ROBO1: variants seen among roughly 807,000 people sequenced by gnomAD.
The protein encoded by ROBO1 is roundabout homolog 1.
In ROBO1, 149 loss-of-function variants were observed where a neutral mutation model predicts 195.9. That is an observed-to-expected ratio of 0.76 (90% CI 0.67 to 0.87). The LOEUF (loss-of-function observed/expected upper bound fraction) is 0.87, where lower values mean the gene tolerates loss of function less well. ROBO1 is among the 40% of genes least tolerant of loss of function. ROBO1 has a pLI of 0.00. For missense variants in ROBO1, 1,933 were observed against 2,068.3 expected, an observed-to-expected ratio of 0.93 and a Z score of 1.27; for synonymous variants, 816 against 733.2, an observed-to-expected ratio of 1.11 and a Z score of -1.82.
intron 2 of ROBO1, among the ~76,000 whole-genome samples, chr3:79,140,370 G>A (rs189950301): frequency 4.6e-5 from 7 of 152,184 alleles, no homozygotes; most frequent in African/African-American, 1.4e-4. Flanking sequence ...TCAATATAGT[G>A]TAATGTTTAG....
Position 78,668,526 on chromosome 3 carries a change from G to A in ROBO1, c.1588C>T (p.Pro530Ser), listed in dbSNP as rs183547398. ...TGRYTCIAST[P>S]SGEATWSAYI... Reference sequence around the variant, plus strand: ...GCACTCCATGTTGCTTCACCACTGGGGGTTGATGCAATGCAGGTGTACCGA... The same window carrying A: ...GCACTCCATGTTGCTTCACCACTGGAGGTTGATGCAATGCAGGTGTACCGA... Residue 530 changes from proline (P) to serine (S), a missense_variant, in exon 12 of 31, where the codon CCC becomes TCC. By Grantham distance (74) the Pro-to-Ser change is moderately conservative. Coordinates refer to ENST00000464233, the MANE Select transcript of ROBO1 (RefSeq NM_002941.4). The A allele has an allele frequency of 3.7e-6, 6 of 1,613,790 alleles. No homozygotes were observed. In the East Asian group the frequency reaches 1.3e-4, roughly 36 times the overall value.
intron 2 of ROBO1, among the ~76,000 whole-genome samples, chr3:79,129,227 T>A (rs1345616645): frequency 6.6e-6 from 1 of 152,170 alleles, no homozygotes; most frequent in Non-Finnish European, 1.5e-5. Context: ...TATTAAATAT[T>A]TTAAGTATTT....
rs532297928 is a variant in ROBO1 at position 79,167,415 on chromosome 3, T to C, written c.89-41876A>G. Among the ~76,000 whole-genome samples the C allele has an allele frequency of 6.6e-5, 10 of 152,344 alleles. No individual in the cohort carries two copies. The South Asian group carries it at 1.9e-3, about 28-fold the overall frequency. On this transcript the variant is annotated intron_variant, in intron 2 of 30. Coordinates refer to ENST00000464233, the MANE Select transcript of ROBO1 (RefSeq NM_002941.4). Reference sequence around the variant, plus strand: ...CTTTGTGTACATCCACATTGTATTTTTGTCATGAAATCAATGTCACTGTTC... The same window carrying C: ...CTTTGTGTACATCCACATTGTATTTCTGTCATGAAATCAATGTCACTGTTC...
At chr3:79,674,323 A>G (rs1946718594) in intron 1 of ROBO1, among the ~76,000 whole-genome samples, 1 of 151,964 alleles carries the variant, frequency 6.6e-6, no homozygotes, top group Non-Finnish European at 1.5e-5. Flanking sequence ...GCTGTTCTCA[A>G]TGCATGTCAA....
intron 4 of ROBO1, among the ~76,000 whole-genome samples, chr3:78,873,651 T>A (rs1439441075): frequency 6.6e-6 from 1 of 152,144 alleles, no homozygotes; most frequent in African/African-American, 2.4e-5. Flanking sequence ...AAGGAATACT[T>A]CTTCAACAAC....
intron 1 of ROBO1, among the ~76,000 whole-genome samples, chr3:79,597,102 A>AGT (rs1179493524): frequency 6.6e-6 from 1 of 150,720 alleles, no homozygotes; most frequent in East Asian, 2.0e-4. Context: ...AAACTTAATA[A>AGT]GTGTGTGTGT....
intron 2 of ROBO1, among the ~76,000 whole-genome samples, chr3:79,504,841 A>ATG (rs985314877): frequency 1.6e-4 from 24 of 152,148 alleles, no homozygotes; most frequent in African/African-American, 5.8e-4. Flanking sequence ...AGTTGGGCAT[A>ATG]TGTGTGTGTA....
At chr3:79,467,276 T>G (rs985771926) in intron 2 of ROBO1, among the ~76,000 whole-genome samples, 1 of 151,916 alleles carries the variant, frequency 6.6e-6, no homozygotes, top group African/African-American at 2.4e-5. Context: ...ACCAGTGATA[T>G]AGACAGAAGA....
chr3:79,469,077 G>A (rs1215117854), intron 2 of ROBO1, among the ~76,000 whole-genome samples: 1 of 152,132 alleles, frequency 6.6e-6, no homozygotes, highest in Non-Finnish European at 1.5e-5. Context: ...ACAGCTCAGT[G>A]AATGTGGACA....
intron 10 of ROBO1, among the ~76,000 whole-genome samples, chr3:78,678,954 G>C (rs1292694548): frequency 6.6e-6 from 1 of 152,106 alleles, no homozygotes; most frequent in Non-Finnish European, 1.5e-5. Flanking sequence ...GAATCCAGTA[G>C]CACATCAAAA....
intron 2 of ROBO1, among the ~76,000 whole-genome samples, chr3:79,524,787 T>C (rs1025505644): frequency 5.3e-5 from 8 of 152,090 alleles, no homozygotes; most frequent in Non-Finnish European, 1.0e-4. Context: ...ATCATAAAGG[T>C]TGTATATTTC....
intron 1 of ROBO1, among the ~76,000 whole-genome samples, chr3:79,660,483 G>T (rs191037381): frequency 6.6e-6 from 1 of 152,164 alleles, no homozygotes; most frequent in African/African-American, 2.4e-5. Flanking sequence ...TCCTCTTTCT[G>T]CAAACCTGTG....
intron 28 of ROBO1, among the ~76,000 whole-genome samples, chr3:78,613,629 A>G (rs1703941626): frequency 6.6e-6 from 1 of 152,180 alleles, no homozygotes; most frequent in Non-Finnish European, 1.5e-5. Flanking sequence ...TATAGATAAT[A>G]GCATGGACAG....
At chr3:79,245,644 A>C (rs1559761656) in intron 2 of ROBO1, among the ~76,000 whole-genome samples, 1 of 152,046 alleles carries the variant, frequency 6.6e-6, no homozygotes, top group African/African-American at 2.4e-5. Flanking sequence ...CCCTCAAAAA[A>C]ATGCAAAGGG....
intron 2 of ROBO1, among the ~76,000 whole-genome samples, chr3:79,181,004 G>A (rs909667934): frequency 4.6e-5 from 7 of 152,112 alleles, no homozygotes; most frequent in South Asian, 4.1e-4. Context: ...AATTGAGACC[G>A]CCACTTTAAT....
intron 26 of ROBO1, 66 bp from the exon 27 acceptor site, chr3:78,618,107 C>G: frequency 1.3e-6 from 2 of 1,482,574 alleles, no homozygotes. Flanking sequence ...GACAAATTAC[C>G]CAAGAAATTC....
chr3:79,725,223 C>CTT (rs35418345), intron 1 of ROBO1, among the ~76,000 whole-genome samples: 36,936 of 106,430 alleles, frequency 0.35, 7,669 homozygotes, highest in South Asian at 0.58. Context: ...CTCTCTTCTT[C>CTT]TTTTTTTTTT....
chr3:79,044,718 T>G (rs1373049297), intron 3 of ROBO1, among the ~76,000 whole-genome samples: 1 of 152,134 alleles, frequency 6.6e-6, no homozygotes, highest in African/African-American at 2.4e-5. Flanking sequence ...AAAAAAAAGT[T>G]AAATAACTTA....
At chr3:79,057,509 C>T (rs562438205) in intron 3 of ROBO1, among the ~76,000 whole-genome samples, 3 of 152,136 alleles carry the variant, frequency 2.0e-5, no homozygotes, top group Admixed American at 2.0e-4. Context: ...CAAAATGGGT[C>T]TGGTTCAATC....
Sources: gnomAD v4.1 joint callset for allele counts (sites outside exome capture counted in the v4.1 genomes callset) on GRCh38, gnomAD v4.1.1 for gene constraint, MANE v1.5 for transcripts, NCBI Gene and HGNC (gene_info 2026-07-23, HGNC 2026-07-21) for gene names.